The following EDEM2 variants were observed in gnomAD, a reference collection of about 807,000 sequenced individuals.
EDEM2 encodes the protein ER degradation-enhancing alpha-mannosidase-like protein 2.
Under a neutral mutation model 64.8 loss-of-function variants are expected in EDEM2, and 39 were observed. That is an observed-to-expected ratio of 0.60 (90% confidence interval 0.47 to 0.79). The LOEUF (loss-of-function observed/expected upper bound fraction) is 0.79. EDEM2 is among the 30% of genes least tolerant of loss of function. EDEM2 has a pLI of 0.00. For synonymous variants in EDEM2, 296 were observed against 291.5 expected, an observed-to-expected ratio of 1.02 and a Z score of -0.16; for missense variants, 609 against 731.3, an observed-to-expected ratio of 0.83 and a Z score of 1.93.
At chr20:35,141,910 GA>G (rs1442557014) in intron 4 of EDEM2, among the ~76,000 whole-genome samples, 2 of 152,146 alleles carry the variant, frequency 1.3e-5, no homozygotes, top group Non-Finnish European at 2.9e-5. Context: ...AAAATTAAAT[GA>G]AATTAAAAAT....
chr20:35,142,660 C>T (rs1410580667), intron 3 of EDEM2, among the ~76,000 whole-genome samples, 182 bp from the exon 4 acceptor site: 1 of 152,108 alleles, frequency 6.6e-6, no homozygotes, highest in South Asian at 2.1e-4. Flanking sequence ...GACTTCATAC[C>T]AAGAGACTGG....
intron 8 of EDEM2, among the ~76,000 whole-genome samples, chr20:35,126,017 C>T (rs1452468492): frequency 1.3e-5 from 2 of 152,136 alleles, no homozygotes; most frequent in African/African-American, 2.4e-5. Context: ...AATGCACTGT[C>T]GACTTTAAGT....
chr20:35,115,862 G>A lies in EDEM2; in HGVS notation c.1308C>T (p.Tyr436=), dbSNP rs148675408. Residue 436 remains tyrosine, a synonymous_variant, in exon 11 of 11, where the codon TAC becomes TAT. Coordinates refer to ENST00000374492, the MANE Select transcript of EDEM2 (RefSeq NM_018217.3). ...ESFFLAETVK[Y]LYLLFDPTNF... ...TGGTTGGGTCAAACAGGAGGTAGAG[G>A]TATTTCACAGTCTCGGCCAGGAAGA... 3.4e-5 allele frequency: 54 copies of A among 1,611,524 alleles called. No homozygotes were observed. In the African/African-American group the frequency reaches 5.6e-4, roughly 17 times the overall value.
intron 4 of EDEM2, 98 bp from the exon 5 acceptor site, chr20:35,138,103 G>A: frequency 6.8e-7 from 1 of 1,480,348 alleles, no homozygotes; most frequent in Non-Finnish European, 9.1e-7. Context: ...ACACTCTATT[G>A]TGGGGCGCAT....
At chr20:35,132,007 T>C (rs1231328851) in intron 6 of EDEM2, among the ~76,000 whole-genome samples, 1 of 152,184 alleles carries the variant, frequency 6.6e-6, no homozygotes, top group Non-Finnish European at 1.5e-5. Context: ...GAGGACTTAA[T>C]TATACACATT....
intron 9 of EDEM2, 65 bp downstream of exon 9, chr20:35,123,825 G>A: frequency 1.3e-6 from 2 of 1,581,036 alleles, no homozygotes; most frequent in Non-Finnish European, 1.7e-6. Context: ...GAGCCTTGTA[G>A]AGGGGATTTG....
In EDEM2 at chr20:35,115,717, G is replaced by A. The variant is rs1427734176; in HGVS notation, c.1453C>T (p.Leu485=). The A allele has an allele frequency of 1.2e-6, 2 of 1,614,204 alleles. No homozygotes were observed. The highest frequency in any genetic ancestry group is 1.1e-5 in the South Asian group (1 of 91,078). ...TCCTTCAGCCTCTGGCAGCAGTGCA[G>A]GGCGGCAGGGTCGATGGGGTGAGCT... ...TEAHPIDPAA[L]HCCQRLKEEQ... Residue 485 remains leucine (L), a synonymous_variant, in exon 11 of 11, where the codon CTG becomes TTG. Transcript: ENST00000374492.
At chr20:35,127,161 T>C (rs544819671) in intron 7 of EDEM2, among the ~76,000 whole-genome samples, 2 of 152,318 alleles carry the variant, frequency 1.3e-5, no homozygotes, top group East Asian at 3.9e-4. Flanking sequence ...CCATGTAAGA[T>C]GTGCCTTTCG....
chr20:35,131,738 C>T lies in EDEM2; in HGVS notation c.748G>A (p.Asp250Asn), dbSNP rs760148994. The change falls in exon 7 of 11, where the codon GAC becomes AAC. Residue 250 changes from aspartate (D) to asparagine (N), a missense_variant. Asp to Asn is a conservative substitution (Grantham distance 23). Coordinates refer to ENST00000374492, the MANE Select transcript of EDEM2 (RefSeq NM_018217.3). Reference protein sequence around the residue: ...DVLTGKWVAQDAGIGAGVDSY... With the variant: ...DVLTGKWVAQNAGIGAGVDSY... ...TCCACGCCAGCCCCGATGCCTGCGT[C>T]CTGGGCCACCCACTTGCCAGTGAGC... 2 of 1,614,162 alleles carry T rather than the reference C, an allele frequency of 1.2e-6. No individual in the cohort carries two copies. Among genetic ancestry groups the T allele is most frequent in the South Asian group, 2.2e-5 (2 of 91,078 alleles).
chr20:35,117,984 T>G (rs1176158159), intron 10 of EDEM2, among the ~76,000 whole-genome samples: 3 of 152,148 alleles, frequency 2.0e-5, no homozygotes, highest in Non-Finnish European at 4.4e-5. Context: ...AGCCCCTGCC[T>G]ACCTCTGGGA....
At chr20:35,146,760 TGACCCGCCCGCCGAGGCCCAGAGAGTCA>T (rs1351005713) in intron 2 of EDEM2, 37 bp downstream of exon 2, 3 of 1,558,416 alleles carry the variant, frequency 1.9e-6, no homozygotes, top group African/African-American at 2.7e-5. Context: ...CAGCCCCAGC[TGACCCGCCCGCCGAGGCCCAGAGAGTCA>T]GACCCTGGCC....
At chr20:35,132,643 G>A (rs934544900) in intron 6 of EDEM2, among the ~76,000 whole-genome samples, 1 of 140,380 alleles carries the variant, frequency 7.1e-6, no homozygotes, top group Admixed American at 8.0e-5. Context: ...GACAGGGGGA[G>A]ACTCTGTCTC....
chr20:35,133,002 C>T (rs1332810615), intron 6 of EDEM2, among the ~76,000 whole-genome samples: 4 of 152,106 alleles, frequency 2.6e-5, no homozygotes, highest in Admixed American at 6.6e-5. Flanking sequence ...CTTGTAAACA[C>T]CAGTAGAGGA....
chr20:35,133,408 G>C (rs2085532882), intron 6 of EDEM2, among the ~76,000 whole-genome samples: 1 of 152,046 alleles, frequency 6.6e-6, no homozygotes, highest in Non-Finnish European at 1.5e-5. Context: ...CGGTCCCACT[G>C]CTGGAGCAAA....
chr20:35,128,244 G>A (rs1285220394), intron 7 of EDEM2, among the ~76,000 whole-genome samples: 1 of 151,910 alleles, frequency 6.6e-6, no homozygotes, highest in Non-Finnish European at 1.5e-5. Flanking sequence ...TTAGCTGGGT[G>A]TGGTGGCGGG....
At chr20:35,141,119 CAAAAAAAA>C (rs58702725) in intron 4 of EDEM2, among the ~76,000 whole-genome samples, 5 of 29,386 alleles carry the variant, frequency 1.7e-4, no homozygotes, top group African/African-American at 2.1e-4. Flanking sequence ...GACTCCGCCT[CAAAAAAAA>C]AAAAAAAAAA....
At chr20:35,135,715 AAGAGTAT>A in intron 5 of EDEM2, among the ~76,000 whole-genome samples, 1 of 152,336 alleles carries the variant, frequency 6.6e-6, no homozygotes, top group Admixed American at 6.5e-5. Context: ...GCTTTAAATA[AAGAGTAT>A]AGGGGCTAAA....
intron 6 of EDEM2, among the ~76,000 whole-genome samples, chr20:35,132,172 A>G (rs1039720695): frequency 3.3e-5 from 5 of 152,158 alleles, no homozygotes; most frequent in Admixed American, 6.6e-5. Context: ...GACGTGCTTT[A>G]CGTATTTCCA....
intron 10 of EDEM2, among the ~76,000 whole-genome samples, chr20:35,116,745 C>T (rs1466292167): frequency 6.6e-6 from 1 of 152,002 alleles, no homozygotes; most frequent in African/African-American, 2.4e-5. Flanking sequence ...AATGGATCAC[C>T]ATTTACTTGG....
Sources: gnomAD v4.1 joint callset for allele counts (sites outside exome capture counted in the v4.1 genomes callset) on GRCh38, gnomAD v4.1.1 for gene constraint, MANE v1.5 for transcripts, NCBI Gene and HGNC (gene_info 2026-07-23, HGNC 2026-07-21) for gene names.